CYBC1: variants seen among roughly 807,000 people sequenced by gnomAD.
CYBC1 encodes the protein cytochrome b-245 chaperone 1, also known as essential for reactive oxygen species protein.
CYBC1 carries 22 observed loss-of-function variants against 21.7 expected under a neutral mutation model. The ratio of observed to expected loss-of-function variants is 1.02; its 90% CI spans 0.73 to 1.45. The LOEUF (loss-of-function observed/expected upper bound fraction) is 1.45, where lower values mean the gene tolerates loss of function less well. CYBC1 is among the 40% of genes most tolerant of loss of function. The pLI is 0.00. For synonymous variants in CYBC1, 112 were observed against 98.7 expected, an observed-to-expected ratio of 1.13 and a Z score of -0.80; for missense variants, 237 against 242.1, an observed-to-expected ratio of 0.98 and a Z score of 0.14.
chr17:82,443,634 A>G lies in CYBC1; in HGVS notation c.*370T>C. The stretch of plus-strand genomic sequence containing the variant: ...GGCTGGCGAGACCTCCGGCTGCAGA[A>G]AGGCAGGCCCAGGCCTCACGATGGA... On this transcript the variant is annotated 3_prime_UTR_variant, in exon 7 of 7. Transcript: ENST00000306645. This position sits in a 1 kb window ranked among gnomAD's most constrained non-coding sequence, Gnocchi z 6.7. 1 of 742,502 alleles carries G rather than the reference A, an allele frequency of 1.3e-6. No homozygotes were observed. The highest frequency in any genetic ancestry group is 1.4e-5 in the South Asian group (1 of 72,088). The allele number at this position is 742,502 out of a possible 1,614,324, so 46.0% of individuals were successfully genotyped here. A position where few individuals can be genotyped will look rare whatever the true frequency, so the allele number is the denominator to read the frequency against.
chr17:82,447,398 G>C lies in CYBC1; in HGVS notation c.127+182C>G, dbSNP rs957922363. ...TGAAATGTGGGCTGAGCGCTGGGCA[G>C]GATGGGCGTGCGGAAGAACAGCAGC... On this transcript the variant is annotated intron_variant, in intron 3 of 6. Coordinates refer to ENST00000306645, the MANE Select transcript of CYBC1 (RefSeq NM_001033046.4). The C allele has an allele frequency of 1.1e-5, 7 of 644,562 alleles. No homozygotes were observed. In the Admixed American group the frequency reaches 1.7e-4, roughly 16 times the overall value. The allele number at this position is 644,562 out of a possible 1,614,324, so 39.9% of individuals were successfully genotyped here.
At chr17:82,444,774 C>T (rs892881444) in intron 5 of CYBC1, 183 bp from the exon 6 acceptor site, 1 of 718,328 alleles carries the variant, frequency 1.4e-6, no homozygotes, top group African/African-American at 1.8e-5. Context: ...AGTGCAGGGT[C>T]CTCTGGGTGG....
At chr17:82,445,581 T>C (rs2054233343) in intron 5 of CYBC1, 2 of 337,286 alleles carry the variant, frequency 5.9e-6, no homozygotes, top group Non-Finnish European at 1.1e-5. Flanking sequence ...ACCCCTGCTC[T>C]GCCAGACCCC....
chr17:82,445,781 T>C (rs2143711369), intron 5 of CYBC1, 83 bp downstream of exon 5: 2 of 1,055,386 alleles, frequency 1.9e-6, no homozygotes, highest in Admixed American at 2.4e-5. Context: ...CAGGCCCCCC[T>C]CTAGGCCCCG....
intron 4 of CYBC1, 140 bp downstream of exon 4, chr17:82,446,483 G>C (rs1485502566): frequency 1.3e-6 from 1 of 741,822 alleles, no homozygotes; most frequent in Non-Finnish European, 2.3e-6. Flanking sequence ...GATGAACGGA[G>C]ACCTCCAAGC....
At chr17:82,446,902 T>A in intron 3 of CYBC1, 1 of 594,308 alleles carries the variant, frequency 1.7e-6, no homozygotes, top group Non-Finnish European at 3.0e-6. Context: ...AGAGTCCACG[T>A]GAGAGAGGCA....
rs769184816 is a variant in CYBC1 at position 82,445,886 on chromosome 17, A to G, written c.276T>C (p.Leu92=). ...CACCCTGGTCGTGGCCAGCTCTGAA[A>G]AGAGTCAGCAGCTTCTTGTAGAGGC... ...TFSLYKKLLT[L]FRAGHDQVVV... Residue 92 remains leucine (L), a synonymous_variant, in exon 5 of 7, where the codon CTT becomes CTC. Coordinates refer to ENST00000306645, the MANE Select transcript of CYBC1 (RefSeq NM_001033046.4). 3 of 1,612,910 alleles carry G rather than the reference A, an allele frequency of 1.9e-6. No individual in the cohort carries two copies. The highest frequency in any genetic ancestry group is 2.5e-6 in the Non-Finnish European group (3 of 1,179,490).
In CYBC1 at chr17:82,443,118, C is replaced by T. The variant is rs1449416167; in HGVS notation, c.*886G>A. The T allele has an allele frequency of 2.7e-5, 6 of 220,356 alleles. No homozygotes were observed. The highest frequency in any genetic ancestry group is 2.6e-4 in the South Asian group (4 of 15,138). The allele number at this position is 220,356 out of a possible 1,614,324, so 13.7% of individuals were successfully genotyped here. A position where few individuals can be genotyped will look rare whatever the true frequency, so the allele number is the denominator to read the frequency against. On this transcript the variant is annotated 3_prime_UTR_variant, in exon 7 of 7. Transcript: ENST00000306645. This position sits in a 1 kb window ranked among gnomAD's most constrained non-coding sequence, Gnocchi z 6.7. ...CAAAGACAGGATCTTGCTGTGTTGC[C>T]CAGGCTGGTCTTGAACTCCTGGCCT... is the stretch of plus-strand genomic sequence containing the variant.
At chr17:82,450,581 CG>C (rs2054533216) in intron 1 of CYBC1, 118 bp downstream of exon 1, 1 of 152,162 alleles carries the variant, frequency 6.6e-6, no homozygotes, top group Non-Finnish European at 1.5e-5. Context: ...CGGCGGGACA[CG>C]GAACAGCCGG....
chr17:82,444,718 T>C (rs1356828248), intron 5 of CYBC1, 127 bp from the exon 6 acceptor site: 3 of 1,269,274 alleles, frequency 2.4e-6, no homozygotes, highest in Middle Eastern at 2.0e-4. Flanking sequence ...ATTTGCTGTT[T>C]CCTGCCTGAG....
Position 82,443,770 on chromosome 17 carries a change from G to A in CYBC1, c.*234C>T, listed in dbSNP as rs747327892. The stretch of plus-strand genomic sequence containing the variant: ...AGGCACCAACTGAAGCCAAGGCCAC[G>A]GGTCCTGTGGGCGGTGCACGGGCTC... On this transcript the variant is annotated 3_prime_UTR_variant, in exon 7 of 7. Transcript: ENST00000306645. The surrounding 1 kb of genome is among the most constrained non-coding windows in gnomAD (Gnocchi z 6.7). 25 of 921,916 alleles carry A rather than the reference G, an allele frequency of 2.7e-5. No individual in the cohort carries two copies. The highest frequency in any genetic ancestry group is 7.2e-5 in the East Asian group (3 of 41,722). 57.1% of individuals were successfully genotyped at this position (921,916 alleles called of 1,614,324 possible). A position where few individuals can be genotyped will look rare whatever the true frequency, so the allele number is the denominator to read the frequency against.
chr17:82,447,435 G>C (rs367935049), intron 3 of CYBC1, 145 bp downstream of exon 3: 1 of 715,464 alleles, frequency 1.4e-6, no homozygotes, highest in East Asian at 2.7e-5. Flanking sequence ...CATGGAGGGC[G>C]CGGTGCCCGC....
chr17:82,449,092 A>G, intron 2 of CYBC1, 78 bp downstream of exon 2: 1 of 1,121,322 alleles, frequency 8.9e-7, no homozygotes. Context: ...AAGAGAAAAT[A>G]TTTTGTTTCA....
chr17:82,450,151 G>C (rs778999966), intron 1 of CYBC1: 2 of 152,170 alleles, frequency 1.3e-5, no homozygotes, highest in Non-Finnish European at 2.9e-5. Flanking sequence ...GTGTGGTGGT[G>C]TACGCCTGTG....
intron 5 of CYBC1, chr17:82,445,208 T>TTTTTTA: frequency 6.5e-6 from 1 of 154,120 alleles, no homozygotes; most frequent in Non-Finnish European, 1.4e-5. Flanking sequence ...CCTCTGGGGC[T>TTTTTTA]ATGCATGGGC....
chr17:82,444,367 C>T (rs1435245351), intron 6 of CYBC1, 80 bp downstream of exon 6: 24 of 1,533,146 alleles, frequency 1.6e-5, no homozygotes, highest in South Asian at 2.5e-5. Context: ...TCCCAGCTGC[C>T]CCATAGCTCT....
chr17:82,447,962 A>G, intron 2 of CYBC1: 1 of 439,160 alleles, frequency 2.3e-6, no homozygotes, highest in Non-Finnish European at 4.1e-6. Context: ...AGTATACGCT[A>G]TTCACAGTAT....
chr17:82,450,048 G>A (rs1478894475), intron 1 of CYBC1: 3 of 152,170 alleles, frequency 2.0e-5, no homozygotes, highest in African/African-American at 7.2e-5. Flanking sequence ...TTGGGAGGAC[G>A]AGGCGTGCGG....
Position 82,449,245 on chromosome 17 carries a change from G to T in CYBC1, c.10C>A (p.Gln4Lys). The change falls in exon 2 of 7, where the codon CAG (glutamine) becomes AAG (lysine). Residue 4 changes from glutamine (Q) to lysine (K), a missense_variant. Physicochemically the swap from Gln to Lys is moderately conservative, Grantham distance 53. Coordinates refer to ENST00000306645, the MANE Select transcript of CYBC1 (RefSeq NM_001033046.4). MYL[Q>K]VETRTSSRLH... ...CGGGAGCTGGTGCGGGTCTCCACCTGCAGGTACATCCCGAGAGGGCAGCAC... is the reference window on the plus strand; with the variant it reads ...CGGGAGCTGGTGCGGGTCTCCACCTTCAGGTACATCCCGAGAGGGCAGCAC... 6.4e-7 allele frequency: 1 copy of T among 1,572,514 alleles called. No homozygotes were observed. The highest frequency in any genetic ancestry group is 8.6e-7 in the Non-Finnish European group (1 of 1,159,424).
Sources: allele counts gnomAD v4.1 joint callset, GRCh38; gene constraint gnomAD v4.1.1; non-coding constraint Gnocchi (gnomAD v3.1); transcripts MANE v1.5; gene names NCBI Gene and HGNC (gene_info 2026-07-23, HGNC 2026-07-21).